Variants in NINJ2 observed in about 807,000 individuals in gnomAD.
NINJ2 encodes ninjurin-2.
Under a neutral mutation model 11.7 loss-of-function variants are expected in NINJ2, and 12 were observed. The observed-to-expected ratio is 1.02, with a 90% CI of 0.66 to 1.66. The LOEUF is 1.66. Ranked by LOEUF, NINJ2 falls within the 40% of genes most tolerant of loss-of-function variation. The probability of loss-of-function intolerance (pLI) is 0.00; values close to 1 mark genes in which losing one functional copy is unlikely to be tolerated. For missense variants in NINJ2, 187 were observed against 181.8 expected (o/e 1.03, Z -0.16); for synonymous variants, 93 against 76.8 (o/e 1.21, Z -1.10).
chr12:589,272 A>C lies in NINJ2; in HGVS notation c.34-23094T>G, dbSNP rs150979117. On this transcript the variant is annotated intron_variant, in intron 1 of 3. Transcript: ENST00000305108. ...ACAATGGACAAAATGAAACAAAACA[A>C]AAAGAATGAGGTAGATCCCTATGAT... 4.6e-5 allele frequency among the ~76,000 whole-genome samples: 7 copies of C among 152,362 alleles called. No individual in the cohort carries two copies. The East Asian group carries it at 1.3e-3, about 29-fold the overall frequency.
chr12:568,657 A>C (rs1340538824), intron 1 of NINJ2, among the ~76,000 whole-genome samples: 1 of 152,110 alleles, frequency 6.6e-6, no homozygotes, highest in South Asian at 2.1e-4. Flanking sequence ...AGCTTTCTAC[A>C]CGGGGCAGTT....
At chr12:613,942 T>A (rs56007076) in intron 1 of NINJ2, among the ~76,000 whole-genome samples, 28,058 of 151,748 alleles carry the variant, frequency 0.18, 2,696 homozygotes, top group Middle Eastern at 0.34. Context: ...ATAAATTAAT[T>A]AATTAATTAA....
chr12:579,369 T>C (rs1947513722), intron 1 of NINJ2, among the ~76,000 whole-genome samples: 1 of 150,942 alleles, frequency 6.6e-6, no homozygotes, highest in African/African-American at 2.4e-5. Flanking sequence ...GCTAGGCATC[T>C]AGGATACAAC....
chr12:598,940 TC>T (rs1266545231), intron 1 of NINJ2, among the ~76,000 whole-genome samples: 12 of 152,006 alleles, frequency 7.9e-5, no homozygotes, highest in African/African-American at 2.9e-4. Context: ...GCTCAAGTGA[TC>T]CACCTGCCTC....
intron 1 of NINJ2, among the ~76,000 whole-genome samples, chr12:655,760 A>G (rs182381043): frequency 6.6e-6 from 1 of 151,980 alleles, no homozygotes; most frequent in African/African-American, 2.4e-5. Flanking sequence ...TAAAAATACA[A>G]AAATTAGCTG....
intron 1 of NINJ2, chr12:645,595 T>A (rs188493133): frequency 2.0e-4 from 31 of 152,286 alleles, no homozygotes; most frequent in Admixed American, 1.7e-3. Flanking sequence ...GGGCACAAAG[T>A]GGTCAACCTG....
intron 1 of NINJ2, among the ~76,000 whole-genome samples, chr12:570,805 C>G (rs1947365431): frequency 1.3e-5 from 2 of 152,224 alleles, no homozygotes; most frequent in Non-Finnish European, 2.9e-5. Context: ...CCTCGAGGAG[C>G]AGGGGACCGG....
intron 1 of NINJ2, among the ~76,000 whole-genome samples, chr12:601,363 A>C (rs2109552): frequency 0.017 from 2,515 of 150,902 alleles, 83 homozygotes; most frequent in African/African-American, 0.058. Context: ...TGGCTAACAC[A>C]GTGAAACCCC....
chr12:653,018 CTTTTTTTTTT>C (rs377056940), intron 1 of NINJ2, among the ~76,000 whole-genome samples: 5 of 96,200 alleles, frequency 5.2e-5, no homozygotes, highest in East Asian at 3.3e-4. Flanking sequence ...TATTTTGTTT[CTTTTTTTTTT>C]TTTTTTTTTT....
At chr12:657,229 A>G (rs1937885206) in intron 1 of NINJ2, among the ~76,000 whole-genome samples, 1 of 152,236 alleles carries the variant, frequency 6.6e-6, no homozygotes, top group Admixed American at 6.5e-5. Flanking sequence ...GGGAGAAAAT[A>G]TCTGCAAAAG....
At position 600,078 on chromosome 12, in the gene NINJ2, C is replaced by A. The variant is rs529063588; in HGVS notation, c.34-33900G>T. Among the ~76,000 whole-genome samples, 37 of 152,300 alleles carry A rather than the reference C, an allele frequency of 2.4e-4. No individual in the cohort carries two copies. The South Asian group carries it at 7.5e-3, about 31-fold the overall frequency. On this transcript the variant is annotated intron_variant, in intron 1 of 3. Coordinates refer to ENST00000305108, the MANE Select transcript of NINJ2 (RefSeq NM_016533.6). ...CATTTACTCCTTTACTCCTTCCGAA[C>A]GCCTGAGCCACTGGGGGGTCTTGGC...
rs1189229040 is a variant in NINJ2, at chr12:611,251, CTCTCTCTTTCTT to C, written c.34-45085_34-45074del. Among the ~76,000 whole-genome samples, 20 of 78,900 alleles carry C rather than the reference CTCTCTCTTTCTT, an allele frequency of 2.5e-4. No homozygotes were observed. The East Asian group carries it at 5.2e-3, about 20-fold the overall frequency. 51.8% of individuals were successfully genotyped at this position (78,900 alleles called of 152,430 possible). A position where few individuals can be genotyped will look rare whatever the true frequency, so the allele number is the denominator to read the frequency against. ...TTTTTCTTTCTTTCTTTCTTTCTCT[CTCTCTCTTTCTT>C]TCTTTCTTTCTCTCTCTCTTTCTTT... is the stretch of plus-strand genomic sequence containing the variant. On this transcript the variant is annotated intron_variant, in intron 1 of 3. Coordinates refer to ENST00000305108, the MANE Select transcript of NINJ2 (RefSeq NM_016533.6).
At chr12:601,007 G>C (rs1947859395) in intron 1 of NINJ2, among the ~76,000 whole-genome samples, 1 of 152,106 alleles carries the variant, frequency 6.6e-6, no homozygotes, top group African/African-American at 2.4e-5. Flanking sequence ...CTTTGGTAGG[G>C]AGATCTCTGT....
chr12:656,812 A>G (rs935036318), intron 1 of NINJ2, among the ~76,000 whole-genome samples: 4 of 152,168 alleles, frequency 2.6e-5, no homozygotes, highest in African/African-American at 9.6e-5. Context: ...GACAAAGAAT[A>G]GACAAATAGA....
At chr12:577,252 G>A (rs1947473119) in intron 1 of NINJ2, among the ~76,000 whole-genome samples, 1 of 151,678 alleles carries the variant, frequency 6.6e-6, no homozygotes. Context: ...TTGCCCAGCA[G>A]TAGGCTGGTG....
At chr12:609,010 G>A (rs565266344) in intron 1 of NINJ2, among the ~76,000 whole-genome samples, 1 of 151,924 alleles carries the variant, frequency 6.6e-6, no homozygotes, top group South Asian at 2.1e-4. Flanking sequence ...GCACATACAC[G>A]GCGCCACGCT....
chr12:572,193 C>A (rs185697783), intron 1 of NINJ2, among the ~76,000 whole-genome samples: 5 of 152,330 alleles, frequency 3.3e-5, no homozygotes, highest in Non-Finnish European at 2.9e-5. Context: ...CGGCTCTGAG[C>A]GGAGAATCCC....
In NINJ2 at chr12:609,194, GCA is replaced by G. The variant is rs57835884; in HGVS notation, c.34-43018_34-43017del. Among the ~76,000 whole-genome samples, 659 of 120,132 alleles carry G rather than the reference GCA, an allele frequency of 5.5e-3. 40 individuals carry two copies. The highest frequency in any genetic ancestry group is 8.4e-3 in the Non-Finnish European group (480 of 57,426). 78.8% of individuals were successfully genotyped at this position (120,132 alleles called of 152,430 possible). A position where few individuals can be genotyped will look rare whatever the true frequency, so the allele number is the denominator to read the frequency against. On this transcript the variant is annotated intron_variant, in intron 1 of 3. Coordinates refer to ENST00000305108, the MANE Select transcript of NINJ2 (RefSeq NM_016533.6). ...CGGCGCCACGCGCTAGGTGCTGAAC[GCA>G]CACGCACGGCGCCACGCGCTAGGGG...
At chr12:646,912 C>T (rs1937692603) in intron 1 of NINJ2, among the ~76,000 whole-genome samples, 1 of 149,086 alleles carries the variant, frequency 6.7e-6, no homozygotes, top group African/African-American at 2.4e-5. Context: ...CAGGGGTTTT[C>T]CATTCTCCTG....
Sources: allele counts gnomAD v4.1 joint callset (sites outside exome capture counted in the v4.1 genomes callset), GRCh38; gene constraint gnomAD v4.1.1; transcripts MANE v1.5; gene names NCBI Gene and HGNC (gene_info 2026-07-23, HGNC 2026-07-21).